PAK3: variants seen among roughly 807,000 people sequenced by gnomAD.
PAK3 encodes p21 (RAC1) activated kinase 3.
Under a neutral mutation model 41.0 loss-of-function variants are expected in PAK3, and 4 were observed. The observed-to-expected ratio is 0.10, with a 90% CI of 0.05 to 0.22. The LOEUF (loss-of-function observed/expected upper bound fraction) is 0.22, where lower values mean the gene tolerates loss of function less well. Among genes scored for constraint, PAK3 ranks in the 10% least tolerant of loss-of-function variants. The pLI is 1.00. For missense variants in PAK3, 205 were observed against 409.9 expected (o/e 0.50, Z 4.32); for synonymous variants, 146 against 139.6 (o/e 1.05, Z -0.32).
intron 4 of PAK3, among the ~76,000 whole-genome samples, chrX:111,105,159 C>T (rs2148912157): frequency 9.0e-6 from 1 of 111,575 alleles, no homozygotes; most frequent in Admixed American, 9.5e-5. Flanking sequence ...TTCACACTGC[C>T]ACAAATTCAC....
At chrX:111,093,313 T>G (rs2092944198), upstream of PAK3, among the ~76,000 whole-genome samples, 1 of 111,742 alleles carries the variant, frequency 8.9e-6, no homozygotes, top group South Asian at 3.8e-4. Flanking sequence ...CTGTTGTGGT[T>G]GTTGTGAGGA....
chrX:111,009,178 C>A (rs760728153), intron 1 of PAK3, among the ~76,000 whole-genome samples: 1 of 111,397 alleles, frequency 9.0e-6, no homozygotes, highest in African/African-American at 3.3e-5. Context: ...GAAGGCAGGG[C>A]TCATTGCCTT....
At chrX:111,109,218 T>G (rs1192809605) in intron 4 of PAK3, among the ~76,000 whole-genome samples, 1 of 112,111 alleles carries the variant, frequency 8.9e-6, no homozygotes, top group Non-Finnish European at 1.9e-5. Context: ...AGATAATATA[T>G]GAAAGTGTTT....
At chrX:111,160,535 A>G (rs1289136512) in intron 8 of PAK3, among the ~76,000 whole-genome samples, 3 of 109,536 alleles carry the variant, frequency 2.7e-5, no homozygotes, top group Non-Finnish European at 5.7e-5. Flanking sequence ...TTACATATGT[A>G]TACATGTGCC....
intron 7 of PAK3, among the ~76,000 whole-genome samples, chrX:111,149,185 G>T (rs2093992073): frequency 8.9e-6 from 1 of 111,868 alleles, no homozygotes; most frequent in African/African-American, 3.3e-5. Context: ...CTCACATCTA[G>T]GTCACGCTGA....
chrX:111,214,930 T>A (rs16986436), intron 16 of PAK3, among the ~76,000 whole-genome samples: 22,539 of 111,020 alleles, frequency 0.2, 4,464 homozygotes, highest in African/African-American at 0.61. Flanking sequence ...GGGCTAGTAA[T>A]ACCCTGGCAG....
At chrX:111,165,879 T>C (rs1176537130) in intron 10 of PAK3, among the ~76,000 whole-genome samples, 3 of 112,107 alleles carry the variant, frequency 2.7e-5, no homozygotes, top group African/African-American at 9.7e-5. Flanking sequence ...TAGAGCTGTG[T>C]CCTTATTATT....
At position 111,123,189 on chromosome X, in the gene PAK3, A is replaced by C. The variant is rs1171690830; in HGVS notation, c.86A>C (p.Asn29Thr). 1 of 1,203,364 alleles carries C rather than the reference A, an allele frequency of 8.3e-7. No homozygotes were observed. Among genetic ancestry groups the C allele is most frequent in the East Asian group, 3.0e-5 (1 of 33,751 alleles). Residue 29 changes from asparagine (N) to threonine (T), a missense_variant, in exon 5 of 18, where the codon AAC (asparagine) becomes ACC (threonine). Asn to Thr is a moderately conservative substitution (Grantham distance 65). Transcript: ENST00000372007. ...AACAACCGGGATTCTTCAGCACTCAACCACAGCTCCAAACCACTTCCCATG... is the reference window on the plus strand; with the variant it reads ...AACAACCGGGATTCTTCAGCACTCACCCACAGCTCCAAACCACTTCCCATG... ...NSNNRDSSAL[N>T]HSSKPLPMAP...
intron 1 of PAK3, among the ~76,000 whole-genome samples, chrX:111,006,556 A>G (rs1204159248): frequency 8.9e-6 from 1 of 112,082 alleles, no homozygotes; most frequent in Non-Finnish European, 1.9e-5. Flanking sequence ...GAAATACAAA[A>G]TTCTTTTTAA....
chrX:111,035,105 C>CAAAAAAAAA (rs533876214), intron 1 of PAK3, among the ~76,000 whole-genome samples: 2 of 39,556 alleles, frequency 5.1e-5, no homozygotes, highest in African/African-American at 2.8e-4. Flanking sequence ...GACCCTGTCT[C>CAAAAAAAAA]AAAAAAAAAA....
rs758465459 is a variant in PAK3 at position 111,176,302 on chromosome X, A to G, written c.830+3221A>G. On this transcript the variant is annotated intron_variant, in intron 11 of 17. Transcript: ENST00000372007. ...AGTTGAACAATGAGAACATATGGAC[A>G]TGGAGGGGAACAACACACACTGGGG... 1.0e-3 allele frequency among the ~76,000 whole-genome samples: 112 copies of G among 109,804 alleles called. 1 individual carries two copies. Among genetic ancestry groups the G allele is most frequent in the Non-Finnish European group, 1.6e-3 (86 of 52,644 alleles).
intron 1 of PAK3, among the ~76,000 whole-genome samples, chrX:110,968,019 A>G (rs1216569041): frequency 2.7e-5 from 3 of 112,294 alleles, no homozygotes; most frequent in Non-Finnish European, 5.6e-5. Context: ...GCAACCACTA[A>G]TCTATTCTTC....
At chrX:110,984,791 C>A (rs1166417175) in intron 1 of PAK3, among the ~76,000 whole-genome samples, 1 of 110,756 alleles carries the variant, frequency 9.0e-6, no homozygotes, top group African/African-American at 3.3e-5. Context: ...CCCGCCAAAT[C>A]TCAACTCCAA....
intron 10 of PAK3, among the ~76,000 whole-genome samples, chrX:111,171,652 G>C (rs1031229154): frequency 1.1e-4 from 12 of 111,691 alleles, no homozygotes; most frequent in African/African-American, 3.6e-4. Flanking sequence ...AAAATGTTTG[G>C]AGCAATCTAT....
At chrX:111,176,787 T>C (rs1476904430) in intron 11 of PAK3, among the ~76,000 whole-genome samples, 2 of 111,570 alleles carry the variant, frequency 1.8e-5, no homozygotes, top group African/African-American at 6.5e-5. Context: ...ACAACCCAAA[T>C]TGTCATAATA....
intron 1 of PAK3, among the ~76,000 whole-genome samples, chrX:110,959,808 C>T (rs2090941048): frequency 9.0e-6 from 1 of 111,371 alleles, no homozygotes; most frequent in Non-Finnish European, 1.9e-5. Context: ...TATTTTTAGG[C>T]CTTTTAAGTT....
intron 1 of PAK3, among the ~76,000 whole-genome samples, chrX:110,997,076 G>C (rs148855212): frequency 1.8e-5 from 2 of 111,807 alleles, no homozygotes; most frequent in Admixed American, 1.9e-4. Context: ...AGAAGAGTCT[G>C]TGCAAAGGTC....
intron 5 of PAK3, among the ~76,000 whole-genome samples, chrX:111,138,394 A>G (rs967435064): frequency 9.0e-6 from 1 of 110,839 alleles, no homozygotes; most frequent in African/African-American, 3.3e-5. Flanking sequence ...CAAATTTTAG[A>G]TAGAGAGGTA....
At chrX:110,989,742 G>C (rs1292733499) in intron 1 of PAK3, among the ~76,000 whole-genome samples, 1 of 111,514 alleles carries the variant, frequency 9.0e-6, no homozygotes, top group Admixed American at 9.5e-5. Flanking sequence ...ACTGGATCTC[G>C]AACCCAGCTT....
Sources: allele counts gnomAD v4.1 joint callset (sites outside exome capture counted in the v4.1 genomes callset), GRCh38; gene constraint gnomAD v4.1.1; transcripts MANE v1.5; gene names NCBI Gene and HGNC (gene_info 2026-07-23, HGNC 2026-07-21).